Variants in MACF1 observed in about 807,000 individuals in gnomAD.
The protein encoded by MACF1 is microtubule actin crosslinking factor 1.
MACF1 carries 193 observed loss-of-function variants against 854.8 expected under a neutral mutation model. The ratio of observed to expected loss-of-function variants is 0.23; its 90% confidence interval spans 0.20 to 0.25. The LOEUF is 0.25. Ranked by LOEUF, MACF1 falls within the 10% of genes least tolerant of loss-of-function variation. The probability of loss-of-function intolerance (pLI) is 1.00; values close to 1 mark genes in which losing one functional copy is unlikely to be tolerated. For synonymous variants in MACF1, 3,185 were observed against 3,226.7 expected, an observed-to-expected ratio of 0.99 and a Z score of 0.44; for missense variants, 7,722 against 8,929.1, an observed-to-expected ratio of 0.86 and a Z score of 5.45.
chr1:39,378,621 C>A, intron 53 of MACF1, 98 bp downstream of exon 53: 2 of 1,175,666 alleles, frequency 1.7e-6, no homozygotes, highest in Non-Finnish European at 2.5e-6. Flanking sequence ...GGAAGAACTG[C>A]TGCCAGAATG....
At chr1:39,393,340 C>T (rs939183470) in intron 58 of MACF1, among the ~76,000 whole-genome samples, 1 of 151,430 alleles carries the variant, frequency 6.6e-6, no homozygotes, top group African/African-American at 2.4e-5. Flanking sequence ...CCCCCTGCTC[C>T]CCGCAAGAAC....
intron 2 of MACF1, among the ~76,000 whole-genome samples, chr1:39,195,210 G>C (rs1557511455): frequency 6.6e-6 from 1 of 152,016 alleles, no homozygotes; most frequent in Non-Finnish European, 1.5e-5. Flanking sequence ...TAAGATGAAT[G>C]GTTTTCCAGG....
In MACF1 at chr1:39,477,071, A is replaced by ATACACACACACATATATACACTTAGTG. The variant is rs1553457821; in HGVS notation, c.21959-2725_21959-2724insCACACACACATATATACACTTAGTGTA. On this transcript the variant is annotated intron_variant, in intron 97 of 100. Transcript: ENST00000564288. ...TATATATATATATATATATATATATATATATATATATATATATATACACAC... is the reference window on the plus strand; with the variant it reads ...TATATATATATATATATATATATATATACACACACACATATATACACTTAGTGTATATATATATATATATATACACAC... Among the ~76,000 whole-genome samples, 10 of 16,822 alleles carry ATACACACACACATATATACACTTAGTG rather than the reference A, an allele frequency of 5.9e-4. 1 individual carries two copies. The highest frequency in any genetic ancestry group is 8.3e-4 in the Non-Finnish European group (8 of 9,636). The allele number at this position is 16,822 out of a possible 152,430, so 11.0% of individuals were successfully genotyped here.
intron 6 of MACF1, among the ~76,000 whole-genome samples, chr1:39,273,815 C>T (rs1645377496): frequency 6.6e-6 from 1 of 152,172 alleles, no homozygotes; most frequent in Admixed American, 6.5e-5. Context: ...TGGTCTCGAT[C>T]TCCTGACCTC....
At chr1:39,249,062 T>C (rs910056584) in intron 2 of MACF1, among the ~76,000 whole-genome samples, 3 of 152,214 alleles carry the variant, frequency 2.0e-5, no homozygotes, top group Non-Finnish European at 4.4e-5. Context: ...TATCACTTAA[T>C]GAAGTCGTCA....
intron 60 of MACF1, among the ~76,000 whole-genome samples, chr1:39,423,505 G>A (rs1643617964): frequency 6.6e-6 from 1 of 151,720 alleles, no homozygotes; most frequent in Non-Finnish European, 1.5e-5. Context: ...CATGGTGGTG[G>A]GCGCCTGTAG....
At chr1:39,093,182 A>G (rs540958491) in intron 2 of MACF1, among the ~76,000 whole-genome samples, 1 of 152,228 alleles carries the variant, frequency 6.6e-6, no homozygotes, top group East Asian at 1.9e-4. Flanking sequence ...AAGTTAAACA[A>G]TAGTTCTGCA....
intron 58 of MACF1, chr1:39,412,783 G>C (rs1303621560): frequency 6.2e-7 from 1 of 1,612,572 alleles, no homozygotes; most frequent in Non-Finnish European, 8.5e-7. Context: ...GACTGCTGCA[G>C]TACCCACTGT....
upstream of MACF1, among the ~76,000 whole-genome samples, chr1:39,202,335 C>T (rs562370972): frequency 6.8e-4 from 102 of 150,420 alleles, no homozygotes; most frequent in African/African-American, 2.5e-3. Context: ...TATATAAAAC[C>T]GTAAACTTGG....
chr1:39,352,867 T>C, intron 43 of MACF1, 140 bp from the exon 44 acceptor site: 1 of 503,356 alleles, frequency 2.0e-6, no homozygotes, highest in Non-Finnish European at 3.6e-6. Flanking sequence ...TGAATTCTCT[T>C]TTGTATGTGC....
intron 22 of MACF1, among the ~76,000 whole-genome samples, chr1:39,301,655 G>A (rs1646044969): frequency 6.6e-6 from 1 of 151,894 alleles, no homozygotes; most frequent in South Asian, 2.1e-4. Context: ...TCGATCTCCT[G>A]ACCTCATGAT....
intron 2 of MACF1, among the ~76,000 whole-genome samples, chr1:39,237,550 G>A (rs995293797): frequency 2.6e-5 from 4 of 152,094 alleles, no homozygotes; most frequent in African/African-American, 9.7e-5. Context: ...GTAAGTAAAG[G>A]TGTTTTATCC....
chr1:39,280,796 T>C (rs1033477133), intron 6 of MACF1, among the ~76,000 whole-genome samples: 4 of 152,124 alleles, frequency 2.6e-5, no homozygotes, highest in African/African-American at 9.7e-5. Context: ...CAGGCTGGTC[T>C]CAAACTCCTG....
intron 58 of MACF1, chr1:39,412,087 C>T (rs1278435718): frequency 6.2e-6 from 10 of 1,613,990 alleles, no homozygotes; most frequent in Non-Finnish European, 6.8e-6. Context: ...GAACTCTGAT[C>T]ACAGGGTTTC....
intron 58 of MACF1, chr1:39,414,295 G>C: frequency 6.2e-7 from 1 of 1,614,016 alleles, no homozygotes. Flanking sequence ...GGGAGTTTCT[G>C]CCCACACTGA....
chr1:39,441,552 T>C (rs1034674089), intron 74 of MACF1, among the ~76,000 whole-genome samples: 1 of 152,240 alleles, frequency 6.6e-6, no homozygotes, highest in Non-Finnish European at 1.5e-5. Context: ...CTGCTCATCA[T>C]AGATTCATTC....
intron 2 of MACF1, among the ~76,000 whole-genome samples, chr1:39,248,421 C>A (rs966758139): frequency 6.6e-6 from 1 of 151,982 alleles, no homozygotes; most frequent in African/African-American, 2.4e-5. Context: ...CAGCCTTGAG[C>A]CTTAAACTCC....
At position 39,428,215 on chromosome 1, in the gene MACF1, G is replaced by A. The variant is rs1315723541; in HGVS notation, c.16731G>A (p.Glu5577=). The A allele has an allele frequency of 1.1e-5, 18 of 1,614,014 alleles. No homozygotes were observed. The highest frequency in any genetic ancestry group is 1.4e-5 in the Non-Finnish European group (17 of 1,180,018). Residue 5577 remains glutamate, a synonymous_variant, in exon 63 of 101, where the codon GAG becomes GAA. Coordinates refer to ENST00000564288, the MANE Select transcript of MACF1 (RefSeq NM_001394062.1). The part of the protein sequence containing the change: ...VEVLNWLAEV[E]DKLSSVFVKD... ...TGCTCAACTGGCTGGCTGAGGTTGA[G>A]GACAAGCTCAGTTCAGTGTTCGTAA...
intron 2 of MACF1, among the ~76,000 whole-genome samples, chr1:39,167,415 A>G (rs138392294): frequency 0.017 from 2,524 of 151,822 alleles, 73 homozygotes; most frequent in African/African-American, 0.058. Context: ...TACTAAAAAT[A>G]CAAAAATTAG....
Sources: allele counts gnomAD v4.1 joint callset (sites outside exome capture counted in the v4.1 genomes callset), GRCh38; gene constraint gnomAD v4.1.1; transcripts MANE v1.5; gene names NCBI Gene and HGNC (gene_info 2026-07-23, HGNC 2026-07-21).